The following NLGN4X variants were observed in gnomAD, a reference collection of about 807,000 sequenced individuals.
NLGN4X encodes neuroligin 4 X-linked, also known as neuroligin-4, X-linked.
A neutral mutation model predicts 40.3 loss-of-function variants in NLGN4X; 3 were observed. That is an observed-to-expected ratio of 0.07 (90% CI 0.03 to 0.19). The LOEUF (loss-of-function observed/expected upper bound fraction) is 0.19, where lower values mean the gene tolerates loss of function less well. NLGN4X is among the 10% of genes least tolerant of loss of function. The pLI is 1.00. For synonymous variants in NLGN4X, 270 were observed against 306.8 expected, an observed-to-expected ratio of 0.88 and a Z score of 1.25; for missense variants, 382 against 708.3, an observed-to-expected ratio of 0.54 and a Z score of 5.23.
In NLGN4X at chrX:6,011,220, T is replaced by G. The variant is rs138850550; in HGVS notation, c.625+18060A>C. 1.4e-4 allele frequency among the ~76,000 whole-genome samples: 16 copies of G among 110,798 alleles called. 1 individual carries two copies. Among genetic ancestry groups the G allele is most frequent in the African/African-American group, 4.9e-4 (15 of 30,472 alleles). ...TGGCACTATGAAAACCTGCTGTTAG[T>G]CTTACCCACAAGATCCTTTATATTT... On this transcript the variant is annotated intron_variant, in intron 3 of 5. Transcript: ENST00000381095.
At position 5,891,652 on chromosome X, in the gene NLGN4X, A is replaced by G; in HGVS notation, c.*1165T>C. The G allele has an allele frequency of 4.5e-6, 1 of 221,900 alleles. No homozygotes were observed. Among genetic ancestry groups the G allele is most frequent in the Non-Finnish European group, 8.2e-6 (1 of 122,064 alleles). 18.3% of individuals were successfully genotyped at this position (221,900 alleles called of 1,213,427 possible). A position where few individuals can be genotyped will look rare whatever the true frequency, so the allele number is the denominator to read the frequency against. On this transcript the variant is annotated 3_prime_UTR_variant, in exon 6 of 6. Transcript: ENST00000381095. ...ATGGGAAGCAACTCTTCCTAAACAT[A>G]TTCAAAGGGCCAGAGCTACAGAACG... is the stretch of plus-strand genomic sequence containing the variant.
intron 3 of NLGN4X, among the ~76,000 whole-genome samples, 198 bp from the exon 4 acceptor site, chrX:5,909,437 A>C (rs908725447): frequency 5.4e-5 from 6 of 111,571 alleles, no homozygotes; most frequent in African/African-American, 1.6e-4. Context: ...TTTTAGGTTG[A>C]TGTTATGATA....
At chrX:6,015,736 C>T (rs1420671775) in intron 3 of NLGN4X, among the ~76,000 whole-genome samples, 3 of 111,609 alleles carry the variant, frequency 2.7e-5, no homozygotes, top group Admixed American at 9.5e-5. Context: ...TTATCTGTCC[C>T]GGCATCCTTA....
chrX:5,958,337 G>T (rs1164634719), intron 3 of NLGN4X, among the ~76,000 whole-genome samples: 1 of 107,302 alleles, frequency 9.3e-6, no homozygotes, highest in Non-Finnish European at 1.9e-5. Context: ...GCATCTTTTT[G>T]TTAAAAAAAA....
intron 3 of NLGN4X, among the ~76,000 whole-genome samples, chrX:5,950,051 A>G (rs1342087615): frequency 8.9e-6 from 1 of 111,997 alleles, no homozygotes; most frequent in Non-Finnish European, 1.9e-5. Context: ...GGAATGACCT[A>G]CTATAATACG....
At chrX:6,106,315 A>G (rs2039032566) in intron 2 of NLGN4X, among the ~76,000 whole-genome samples, 1 of 111,638 alleles carries the variant, frequency 9.0e-6, no homozygotes, top group Non-Finnish European at 1.9e-5. Flanking sequence ...CAGTAAACAA[A>G]ACAAACACTA....
chrX:6,004,782 A>C (rs1054608930), intron 3 of NLGN4X, among the ~76,000 whole-genome samples: 4 of 111,882 alleles, frequency 3.6e-5, no homozygotes, highest in African/African-American at 1.3e-4. Context: ...GGGCTTCAAG[A>C]TCATTCACAC....
intron 2 of NLGN4X, among the ~76,000 whole-genome samples, chrX:6,107,412 T>C (rs1036608192): frequency 9.0e-6 from 1 of 111,543 alleles, no homozygotes. Context: ...AGGTGAAAGA[T>C]GGTGTGAATA....
At chrX:5,995,916 T>C (rs2035804286) in intron 3 of NLGN4X, among the ~76,000 whole-genome samples, 2 of 112,078 alleles carry the variant, frequency 1.8e-5, no homozygotes, top group African/African-American at 6.5e-5. Flanking sequence ...ACTTACTGTA[T>C]ACACGTACGT....
At chrX:6,129,758 T>C (rs1229597225) in intron 2 of NLGN4X, among the ~76,000 whole-genome samples, 3 of 108,948 alleles carry the variant, frequency 2.8e-5, no homozygotes, top group Non-Finnish European at 3.8e-5. Context: ...AGCAAAATCA[T>C]GTACCCATGT....
intron 1 of NLGN4X, among the ~76,000 whole-genome samples, chrX:6,205,768 T>C (rs1387567806): frequency 3.6e-5 from 4 of 112,213 alleles, no homozygotes; most frequent in Non-Finnish European, 7.5e-5. Context: ...AATTACACAC[T>C]GTGCTTTTAG....
chrX:6,178,079 A>G (rs944579995), intron 1 of NLGN4X, among the ~76,000 whole-genome samples: 2 of 108,751 alleles, frequency 1.8e-5, no homozygotes, highest in African/African-American at 6.6e-5. Context: ...GTTGTTTATA[A>G]GCTACACAGT....
Position 5,895,824 on chromosome X carries a change from CTTT to C in NLGN4X, c.1602-2161_1602-2159del, listed in dbSNP as rs952088404. On this transcript the variant is annotated intron_variant, in intron 5 of 5. Transcript: ENST00000381095. ...AACAATATATTTGAAAAGTCTTCTGCTTTTTTTATTTATTATGCATGTATTCTT... is the reference window on the plus strand; with the variant it reads ...AACAATATATTTGAAAAGTCTTCTGCTTTTATTTATTATGCATGTATTCTT... Among the ~76,000 whole-genome samples, 3 of 111,292 alleles carry C rather than the reference CTTT, an allele frequency of 2.7e-5. No individual in the cohort carries two copies. The East Asian group carries it at 8.5e-4, about 31-fold the overall frequency.
At chrX:6,066,848 C>T (rs1362537361) in intron 2 of NLGN4X, among the ~76,000 whole-genome samples, 7 of 112,485 alleles carry the variant, frequency 6.2e-5, no homozygotes, top group African/African-American at 2.3e-4. Context: ...TGGCTCACGC[C>T]TGTAATCCCA....
At chrX:5,961,886 A>T (rs777030741) in intron 3 of NLGN4X, among the ~76,000 whole-genome samples, 43 of 112,423 alleles carry the variant, frequency 3.8e-4, no homozygotes, top group Non-Finnish European at 7.1e-4. Context: ...GCTCAAACCG[A>T]GTTTTCAAGG....
chrX:6,227,242 A>T, intron 1 of NLGN4X: 1 of 109,321 alleles, frequency 9.1e-6, no homozygotes, highest in Middle Eastern at 4.7e-3. Flanking sequence ...AGGGCTGTAG[A>T]GGTGGTGCGC....
chrX:5,999,302 T>G (rs1220540309), intron 3 of NLGN4X, among the ~76,000 whole-genome samples: 1 of 112,310 alleles, frequency 8.9e-6, no homozygotes, highest in Non-Finnish European at 1.9e-5. Context: ...TAGGATTAAT[T>G]TTCAACCTAA....
chrX:6,184,935 T>A (rs977500357), intron 1 of NLGN4X, among the ~76,000 whole-genome samples: 8 of 112,048 alleles, frequency 7.1e-5, no homozygotes, highest in Admixed American at 5.7e-4. Context: ...CCTTCTTAGC[T>A]GAGGGGATGG....
chrX:6,074,273 A>AT (rs2038138835), intron 2 of NLGN4X, among the ~76,000 whole-genome samples: 1 of 111,475 alleles, frequency 9.0e-6, no homozygotes, highest in Non-Finnish European at 1.9e-5. Flanking sequence ...ACAGCAGCCA[A>AT]TATTCCCTGT....
Sources: allele counts gnomAD v4.1 joint callset (sites outside exome capture counted in the v4.1 genomes callset), GRCh38; gene constraint gnomAD v4.1.1; transcripts MANE v1.5; gene names NCBI Gene and HGNC (gene_info 2026-07-23, HGNC 2026-07-21).